The following PCDHA4 variants were observed in gnomAD, a reference collection of about 807,000 sequenced individuals.
PCDHA4 encodes the protein protocadherin alpha 4.
Under a neutral mutation model 61.4 loss-of-function variants are expected in PCDHA4, and 49 were observed. The observed-to-expected ratio is 0.80, with a 90% CI of 0.63 to 1.01. The LOEUF is 1.01. Among genes scored for constraint, PCDHA4 ranks in the 50% least tolerant of loss-of-function variants. PCDHA4 has a pLI of 0.00. For synonymous variants in PCDHA4, 590 were observed against 550.3 expected, an observed-to-expected ratio of 1.07 and a Z score of -1.01; for missense variants, 1,254 against 1,235.8, an observed-to-expected ratio of 1.01 and a Z score of -0.22.
rs2150416321 is a variant in PCDHA4 at position 140,848,658 on chromosome 5, G to C, written c.2385+39086G>C. On this transcript the variant is annotated intron_variant, in intron 1 of 3. Coordinates refer to ENST00000530339, the MANE Select transcript of PCDHA4 (RefSeq NM_018907.4). ...CCGCATCGCGCAGGACCTGGGGCTG[G>C]AGCTGGCGGAGCTGGTGCCGCGCCT... The C allele has an allele frequency of 2.5e-6, 4 of 1,592,362 alleles. No homozygotes were observed. The highest frequency in any genetic ancestry group is 4.5e-5 in the East Asian group (2 of 44,824).
chr5:140,850,669 C>T lies in PCDHA4; in HGVS notation c.2385+41097C>T, dbSNP rs2150493050. 128 of 1,598,504 alleles carry T rather than the reference C, an allele frequency of 8.0e-5. 13 individuals are homozygous for T. The highest frequency in any genetic ancestry group is 3.3e-4 in the Middle Eastern group (2 of 5,998). The stretch of plus-strand genomic sequence containing the variant: ...CTGTACACTGTGCTGCGGTGCTCGG[C>T]GATGCCCACCGAGGGCGAGTGCGCG... On this transcript the variant is annotated intron_variant, in intron 1 of 3. Transcript: ENST00000530339.
At chr5:140,941,221 T>TTCTTTCTTTCTTTCTTTCTTTCTC (rs2092905955) in intron 1 of PCDHA4, among the ~76,000 whole-genome samples, 1 of 131,536 alleles carries the variant, frequency 7.6e-6, no homozygotes, top group Admixed American at 7.9e-5. Context: ...CTTCCTTTCT[T>TTCTTTCTTTCTTTCTTTCTTTCTC]TCTTTCTTTC....
intron 1 of PCDHA4, among the ~76,000 whole-genome samples, chr5:140,900,046 G>A (rs896570608): frequency 2.4e-4 from 36 of 152,294 alleles, no homozygotes; most frequent in Admixed American, 1.6e-3. Context: ...CTGGGCTCAA[G>A]TGATCCTTTA....
At chr5:140,917,334 G>T (rs1466426021) in intron 1 of PCDHA4, among the ~76,000 whole-genome samples, 7 of 147,628 alleles carry the variant, frequency 4.7e-5, no homozygotes, top group Admixed American at 4.1e-4. Context: ...CGGGGGAGGG[G>T]GGGGATGGTG....
intron 1 of PCDHA4, chr5:140,822,964 G>C: frequency 6.2e-7 from 1 of 1,614,232 alleles, no homozygotes; most frequent in Admixed American, 1.7e-5. Context: ...CTTCAAGCTG[G>C]TGTCCACCTT....
chr5:140,857,392 C>G (rs142727326), intron 1 of PCDHA4: 2 of 1,598,470 alleles, frequency 1.3e-6, no homozygotes, highest in African/African-American at 1.3e-5. Flanking sequence ...CCGACGTGAA[C>G]GACAACGCGC....
In PCDHA4 at chr5:140,901,962, G is replaced by A. The variant is rs148280805; in HGVS notation, c.2386-76987G>A. The stretch of plus-strand genomic sequence containing the variant: ...ATATTTAGTTTTATTCGTGGCTATC[G>A]TAAATGGGATTACTTTTTAATTTCA... On this transcript the variant is annotated intron_variant, in intron 1 of 3. Coordinates refer to ENST00000530339, the MANE Select transcript of PCDHA4 (RefSeq NM_018907.4). Among the ~76,000 whole-genome samples, 1,226 of 152,004 alleles carry A rather than the reference G, an allele frequency of 8.1e-3. 6 individuals carry two copies. The highest frequency in any genetic ancestry group is 0.019 in the African/African-American group (785 of 41,468).
chr5:140,992,270 G>A (rs115480506), intron 3 of PCDHA4, among the ~76,000 whole-genome samples: 186 of 152,264 alleles, frequency 1.2e-3, no homozygotes, highest in African/African-American at 4.1e-3. Flanking sequence ...AGTTCTTTTC[G>A]TAGCACATCC....
intron 1 of PCDHA4, chr5:140,883,577 G>C: frequency 1.2e-6 from 2 of 1,614,052 alleles, no homozygotes; most frequent in South Asian, 1.1e-5. Context: ...TTCGCTGTGG[G>C]CCACGGCCAG....
intron 3 of PCDHA4, among the ~76,000 whole-genome samples, chr5:141,008,352 A>T (rs549122044): frequency 6.6e-6 from 1 of 152,204 alleles, no homozygotes; most frequent in Non-Finnish European, 1.5e-5. Flanking sequence ...TTCACGTGTC[A>T]ACCAAAGGAG....
intron 1 of PCDHA4, among the ~76,000 whole-genome samples, chr5:140,895,520 A>G (rs1053295495): frequency 6.6e-6 from 1 of 152,116 alleles, no homozygotes; most frequent in South Asian, 2.1e-4. Context: ...TAATTGGTTT[A>G]TTCGTTTTTC....
At chr5:140,863,034 A>G (rs782534693) in intron 1 of PCDHA4, 1 of 557,696 alleles carries the variant, frequency 1.8e-6, no homozygotes, top group African/African-American at 1.9e-5. Context: ...CAACAGCTGC[A>G]TCTGTCAGCT....
rs143767190 is a variant in PCDHA4, at chr5:140,836,000, T to C, written c.2385+26428T>C. 1,476 of 1,613,102 alleles carry C rather than the reference T, an allele frequency of 9.2e-4. 25 individuals are homozygous for C. In the East Asian group the frequency reaches 0.013, roughly 14 times the overall value. On this transcript the variant is annotated intron_variant, in intron 1 of 3. Transcript: ENST00000530339. ...TGCAGTTCCAGGTGAGCGCGCGCGATGCGGGCGTGCCGCCTCTGGGCAGCA... is the reference window on the plus strand; with the variant it reads ...TGCAGTTCCAGGTGAGCGCGCGCGACGCGGGCGTGCCGCCTCTGGGCAGCA...
intron 1 of PCDHA4, chr5:140,817,705 T>G (rs2150098815): frequency 3.3e-5 from 5 of 152,226 alleles, no homozygotes; most frequent in African/African-American, 4.8e-5. Context: ...TTATTATCAT[T>G]GTTTTGTTAA....
At chr5:140,875,202 C>A in intron 1 of PCDHA4, 1 of 611,450 alleles carries the variant, frequency 1.6e-6, no homozygotes, top group Non-Finnish European at 2.5e-6. Context: ...CAGGAAGTGG[C>A]TAAACCGAAA....
chr5:140,887,224 G>A (rs1554182948), intron 1 of PCDHA4, among the ~76,000 whole-genome samples: 1 of 151,812 alleles, frequency 6.6e-6, no homozygotes, highest in Non-Finnish European at 1.5e-5. Context: ...AGCCTCCCGA[G>A]TAGCTGAGAC....
chr5:140,876,370 G>A, intron 1 of PCDHA4: 1 of 1,613,946 alleles, frequency 6.2e-7, no homozygotes, highest in Non-Finnish European at 8.5e-7. Flanking sequence ...TCCAGACACA[G>A]GTGAAATTAG....
intron 1 of PCDHA4, among the ~76,000 whole-genome samples, chr5:140,878,435 A>G (rs1582436641): frequency 6.6e-6 from 1 of 152,242 alleles, no homozygotes; most frequent in African/African-American, 2.4e-5. Context: ...TAGATACTGT[A>G]CTATTCTTAT....
At chr5:140,969,702 C>A (rs1305755991) in intron 1 of PCDHA4, among the ~76,000 whole-genome samples, 1 of 152,144 alleles carries the variant, frequency 6.6e-6, no homozygotes, top group African/African-American at 2.4e-5. Context: ...TCTGCTGTAT[C>A]ATCTACAGGG....
Sources: gnomAD v4.1 joint callset for allele counts (sites outside exome capture counted in the v4.1 genomes callset) on GRCh38, gnomAD v4.1.1 for gene constraint, MANE v1.5 for transcripts, NCBI Gene and HGNC (gene_info 2026-07-23, HGNC 2026-07-21) for gene names.